The following PLBD1 variants were observed in gnomAD, a reference collection of about 807,000 sequenced individuals.
PLBD1 encodes the protein lysosomal leucine aminopeptidase.
In PLBD1, 60 loss-of-function variants were observed where a neutral mutation model predicts 63.0. The observed-to-expected ratio is 0.95, with a 90% CI of 0.77 to 1.18. PLBD1 has a LOEUF of 1.18. Ranked by LOEUF, PLBD1 falls within the 50% of genes most tolerant of loss-of-function variation. PLBD1 has a pLI of 0.00. For synonymous variants in PLBD1, 262 were observed against 248.0 expected (o/e 1.06, Z -0.53); for missense variants, 598 against 677.9 (o/e 0.88, Z 1.31).
rs529076663 is a variant in PLBD1, at chr12:14,526,331, T to C, written c.844+9328A>G. On this transcript the variant is annotated intron_variant, in intron 6 of 10. Coordinates refer to ENST00000240617, the MANE Select transcript of PLBD1 (RefSeq NM_024829.6). ...CCGTTTGTGCTAACAAATTAAAATATGCTTTGATTCATACTTAAACCCGAA... is the reference window on the plus strand; with the variant it reads ...CCGTTTGTGCTAACAAATTAAAATACGCTTTGATTCATACTTAAACCCGAA... Among the ~76,000 whole-genome samples the C allele has an allele frequency of 1.5e-3, 234 of 152,338 alleles. 2 individuals carry two copies. Among genetic ancestry groups the C allele is most frequent in the African/African-American group, 5.4e-3 (224 of 41,578 alleles).
chr12:14,512,923 T>C (rs772467182), intron 6 of PLBD1, among the ~76,000 whole-genome samples: 26 of 152,328 alleles, frequency 1.7e-4, no homozygotes, highest in Admixed American at 7.2e-4. Flanking sequence ...AGTCCCTTCA[T>C]CTTGGGCTTC....
At position 14,535,560 on chromosome 12, in the gene PLBD1, T is replaced by C. The variant is rs982245564; in HGVS notation, c.844+99A>G. 12 of 1,314,666 alleles carry C rather than the reference T, an allele frequency of 9.1e-6. No homozygotes were observed. The African/African-American group carries it at 1.6e-4, about 18-fold the overall frequency. The allele number at this position is 1,314,666 out of a possible 1,614,324, so 81.4% of individuals were successfully genotyped here. A position where few individuals can be genotyped will look rare whatever the true frequency, so the allele number is the denominator to read the frequency against. ...ATTGTTTGTTAATATATACTAACCA[T>C]TAAACATTTCTTCTCCCATTGCAGT... is the stretch of plus-strand genomic sequence containing the variant. On this transcript the variant is annotated intron_variant, in intron 6 of 10. Transcript: ENST00000240617.
intron 6 of PLBD1, among the ~76,000 whole-genome samples, chr12:14,526,809 C>T (rs1945418557): frequency 6.6e-6 from 1 of 151,946 alleles, no homozygotes; most frequent in Non-Finnish European, 1.5e-5. Flanking sequence ...CCCATCTCTA[C>T]TAAAAATACA....
rs767632213 is a variant in PLBD1 at position 14,540,908 on chromosome 12, AGAGAAATTAGATTT to A, written c.420-20_420-7del. On this transcript the variant is annotated splice_region_variant and splice_polypyrimidine_tract_variant and intron_variant, in intron 3 of 10. Transcript: ENST00000240617. ...GGGTCCACTTATCTTGCTTCCTGGA[AGAGAAATTAGATTT>A]GCACCACAGTCTCAATAGTTGCTCA... The A allele has an allele frequency of 6.3e-7, 1 of 1,590,584 alleles. No homozygotes were observed. The highest frequency in any genetic ancestry group is 1.3e-5 in the African/African-American group (1 of 74,688).
At chr12:14,550,748 C>T (rs1459437065) in intron 2 of PLBD1, among the ~76,000 whole-genome samples, 2 of 152,038 alleles carry the variant, frequency 1.3e-5, no homozygotes, top group African/African-American at 4.8e-5. Context: ...CGTGGTGGCT[C>T]ATGCCTGTAA....
chr12:14,535,652 C>A lies in PLBD1; in HGVS notation c.844+7G>T, dbSNP rs1379003059. 7.4e-6 allele frequency: 12 copies of A among 1,613,596 alleles called. No individual in the cohort carries two copies. The highest frequency in any genetic ancestry group is 8.5e-6 in the Non-Finnish European group (10 of 1,179,798). ...AAGTGCTCAGATGTTCCTTTAAATT[C>A]ATTTACCTGGGTAACTGCTGAAAGA... On this transcript the variant is annotated splice_region_variant and intron_variant, in intron 6 of 10. Coordinates refer to ENST00000240617, the MANE Select transcript of PLBD1 (RefSeq NM_024829.6).
At chr12:14,533,186 T>A (rs531458428) in intron 6 of PLBD1, 2 of 152,364 alleles carry the variant, frequency 1.3e-5, no homozygotes, top group African/African-American at 2.4e-5. Context: ...CATAGTTCTA[T>A]GTCATGTCTA....
At chr12:14,515,434 G>A (rs1485156447) in intron 6 of PLBD1, among the ~76,000 whole-genome samples, 1 of 151,678 alleles carries the variant, frequency 6.6e-6, no homozygotes, top group Non-Finnish European at 1.5e-5. Flanking sequence ...ATTAAGTGCT[G>A]CAAAATCCAT....
intron 6 of PLBD1, 39 bp from the exon 7 acceptor site, chr12:14,511,750 C>A (rs780635149): frequency 1.3e-6 from 2 of 1,533,240 alleles, no homozygotes; most frequent in Non-Finnish European, 1.8e-6. Flanking sequence ...CATATGTATA[C>A]ATGGAACAGT....
intron 1 of PLBD1, among the ~76,000 whole-genome samples, chr12:14,559,904 A>G (rs1279122246): frequency 6.6e-6 from 1 of 150,920 alleles, no homozygotes; most frequent in East Asian, 1.9e-4. Context: ...CTTATTGCCC[A>G]GGCTGGAGTG....
At chr12:14,548,168 G>C (rs1945629486) in intron 2 of PLBD1, among the ~76,000 whole-genome samples, 1 of 151,896 alleles carries the variant, frequency 6.6e-6, no homozygotes, top group Admixed American at 6.6e-5. Context: ...AGAAATTTTT[G>C]AGGGTGGGCC....
chr12:14,535,921 T>C (rs1945510383), intron 5 of PLBD1, 118 bp from the exon 6 acceptor site: 4 of 1,034,244 alleles, frequency 3.9e-6, no homozygotes, highest in Non-Finnish European at 5.6e-6. Context: ...ATTGCTATAC[T>C]GATTATTGGA....
At chr12:14,565,830 A>C (rs1374584410) in intron 1 of PLBD1, among the ~76,000 whole-genome samples, 2 of 152,208 alleles carry the variant, frequency 1.3e-5, no homozygotes, top group African/African-American at 4.8e-5. Flanking sequence ...TAGGTAAGTA[A>C]GAATCCTTTC....
At chr12:14,565,716 G>C (rs1357442478) in intron 1 of PLBD1, among the ~76,000 whole-genome samples, 1 of 152,136 alleles carries the variant, frequency 6.6e-6, no homozygotes, top group East Asian at 1.9e-4. Flanking sequence ...TAAAGACAAA[G>C]ACCCAAAAAG....
intron 2 of PLBD1, among the ~76,000 whole-genome samples, chr12:14,548,435 T>A (rs1364512915): frequency 9.3e-6 from 1 of 107,558 alleles, no homozygotes. Flanking sequence ...CCAGCCTGGG[T>A]AACACAGGGA....
At chr12:14,526,527 G>A (rs1218229770) in intron 6 of PLBD1, among the ~76,000 whole-genome samples, 2 of 152,088 alleles carry the variant, frequency 1.3e-5, no homozygotes, top group African/African-American at 4.8e-5. Flanking sequence ...TCTCTAAAGT[G>A]GAGCACTTAC....
In PLBD1 at chr12:14,540,857, A is replaced by C; in HGVS notation, c.465T>G (p.Thr155=). The C allele has an allele frequency of 6.2e-7, 1 of 1,608,838 alleles. No homozygotes were observed. The highest frequency in any genetic ancestry group is 2.2e-5 in the East Asian group (1 of 44,768). Residue 155 remains threonine, a synonymous_variant, in exon 4 of 11, where the codon ACT becomes ACG. Coordinates refer to ENST00000240617, the MANE Select transcript of PLBD1 (RefSeq NM_024829.6). ...WTRKNIKEYK[T]DSFWRHTGYV... The stretch of plus-strand genomic sequence containing the variant: ...AGCCTGTATGTCTCCAAAATGAATC[A>C]GTCTTGTATTCTTTGATATTTTTCC...
chr12:14,517,504 A>C (rs1345297032), intron 6 of PLBD1, among the ~76,000 whole-genome samples: 5 of 152,320 alleles, frequency 3.3e-5, no homozygotes, highest in African/African-American at 9.6e-5. Flanking sequence ...TTCTAAAAAA[A>C]AAAAGAAATG....
rs576352397 is a variant in PLBD1 at position 14,553,237 on chromosome 12, G to T, written c.291C>A (p.Ile97=). The T allele has an allele frequency of 1.9e-5, 30 of 1,614,006 alleles. No homozygotes were observed. The South Asian group carries it at 3.3e-4, about 18-fold the overall frequency. ...GYGSQTLSNE[I]IMFVAGFLEG... The stretch of plus-strand genomic sequence containing the variant: ...CCAAAAAGCCAGCCACAAACATGAT[G>T]ATCTCATTGCTCAGGGTTTGAGAGC... The change falls in exon 2 of 11, where the codon ATC becomes ATA. Residue 97 remains isoleucine, a synonymous_variant. Transcript: ENST00000240617.
Sources: gnomAD v4.1 joint callset for allele counts (sites outside exome capture counted in the v4.1 genomes callset) on GRCh38, gnomAD v4.1.1 for gene constraint, MANE v1.5 for transcripts, NCBI Gene and HGNC (gene_info 2026-07-23, HGNC 2026-07-21) for gene names.